The following GCN1 variants were observed in gnomAD, a reference collection of about 807,000 sequenced individuals.
GCN1 encodes stalled ribosome sensor GCN1.
GCN1 carries 90 observed loss-of-function variants against 288.4 expected under a neutral mutation model. The observed-to-expected ratio is 0.31, with a 90% CI of 0.26 to 0.37. GCN1 has a LOEUF of 0.37. GCN1 is among the 10% of genes least tolerant of loss of function. GCN1 has a pLI of 1.00. For missense variants in GCN1, 2,586 were observed against 3,419.9 expected (o/e 0.76, Z 6.08); for synonymous variants, 1,386 against 1,420.2 (o/e 0.98, Z 0.54).
Position 120,173,839 on chromosome 12 carries a change from GCAGAAGTCCAGT to G in GCN1, c.1193-25_1193-14del, listed in dbSNP as rs1349526795. The G allele has an allele frequency of 6.2e-7, 1 of 1,610,440 alleles. No homozygotes were observed. The highest frequency in any genetic ancestry group is 8.5e-7 in the Non-Finnish European group (1 of 1,177,048). ...GTCCCTTCATGAACTAGGGCAAAAA[GCAGAAGTCCAGT>G]CAGTCCAATGTCTTATAACCATGTC... On this transcript the variant is annotated splice_polypyrimidine_tract_variant and intron_variant, in intron 13 of 57. Coordinates refer to ENST00000300648, the MANE Select transcript of GCN1 (RefSeq NM_006836.2).
At position 120,177,795 on chromosome 12, in the gene GCN1, T is replaced by C. The variant is rs570679836; in HGVS notation, c.661-43A>G. 185 of 1,402,070 alleles carry C rather than the reference T, an allele frequency of 1.3e-4. 3 individuals are homozygous for C. In the South Asian group the frequency reaches 1.9e-3, roughly 15 times the overall value. 86.9% of individuals were successfully genotyped at this position (1,402,070 alleles called of 1,614,324 possible). ...CTGGTTAGATCCTGACATTCTCAAG[T>C]ATCTCATCACTGGCCTAAGGGGTCC... On this transcript the variant is annotated intron_variant, in intron 7 of 57. Coordinates refer to ENST00000300648, the MANE Select transcript of GCN1 (RefSeq NM_006836.2).
chr12:120,156,913 T>C lies in GCN1; in HGVS notation c.3167A>G (p.Gln1056Arg), dbSNP rs1003892091. The change falls in exon 27 of 58, where the codon CAG becomes CGG. Residue 1056 changes from glutamine (Q) to arginine (R), a missense_variant and splice_region_variant. Physicochemically the swap from Gln to Arg is conservative, Grantham distance 43. Transcript: ENST00000300648. The surrounding 1 kb of genome is among the most constrained non-coding windows in gnomAD (Gnocchi z 5.8). ...WVIGTGSPRL[Q>R]VLASDTLTTL... Reference sequence around the variant, plus strand: ...ACAGCCAACTGAAAACCACATCACCTGTAAGCGAGGCGAGCCCGTCCCGAT... The same window carrying C: ...ACAGCCAACTGAAAACCACATCACCCGTAAGCGAGGCGAGCCCGTCCCGAT... The C allele has an allele frequency of 3.1e-6, 5 of 1,604,478 alleles. No individual in the cohort carries two copies. The highest frequency in any genetic ancestry group is 4.3e-6 in the Non-Finnish European group (5 of 1,171,468).
At chr12:120,163,001 T>C in intron 19 of GCN1, 30 bp from the exon 20 acceptor site, 1 of 1,614,070 alleles carries the variant, frequency 6.2e-7, no homozygotes, top group Non-Finnish European at 8.5e-7. Context: ...TTTGAGGCCT[T>C]CTGCCTGGCC....
Position 120,129,067 on chromosome 12 carries a change from G to A in GCN1, c.7890+209C>T, listed in dbSNP as rs193153868. On this transcript the variant is annotated intron_variant, in intron 57 of 57. Coordinates refer to ENST00000300648, the MANE Select transcript of GCN1 (RefSeq NM_006836.2). Reference sequence around the variant, plus strand: ...GTTAGCCTTCATCTCCTGACTTGGTGATCTGCCCGCCTCAGCCTCCCAAAG... The same window carrying A: ...GTTAGCCTTCATCTCCTGACTTGGTAATCTGCCCGCCTCAGCCTCCCAAAG... 1.7e-3 allele frequency among the ~76,000 whole-genome samples: 266 copies of A among 152,022 alleles called. 2 individuals are homozygous for A. The highest frequency in any genetic ancestry group is 3.4e-3 in the Middle Eastern group (1 of 292).
intron 57 of GCN1, among the ~76,000 whole-genome samples, chr12:120,128,592 T>A (rs1021142747): frequency 7.2e-5 from 11 of 152,022 alleles, no homozygotes; most frequent in African/African-American, 2.7e-4. Flanking sequence ...CACCTTGGCC[T>A]CCCAAAAGTG....
intron 5 of GCN1, among the ~76,000 whole-genome samples, chr12:120,182,159 C>CAA (rs111240044): frequency 1.6e-4 from 18 of 116,018 alleles, no homozygotes; most frequent in African/African-American, 4.4e-4. Flanking sequence ...TCAAAGAAAA[C>CAA]AAAAAAAAAA....
chr12:120,151,586 T>C (rs982020862), intron 33 of GCN1, among the ~76,000 whole-genome samples, 195 bp from the exon 34 acceptor site: 1 of 152,196 alleles, frequency 6.6e-6, no homozygotes. Flanking sequence ...GGGTGCACAC[T>C]ACAATCTGCT....
intron 57 of GCN1, among the ~76,000 whole-genome samples, chr12:120,128,579 G>A (rs955661832): frequency 1.3e-5 from 2 of 151,638 alleles, no homozygotes; most frequent in African/African-American, 2.4e-5. Flanking sequence ...CCGGTGATCC[G>A]CCCACCTTGG....
intron 50 of GCN1, 51 bp from the exon 51 acceptor site, chr12:120,136,783 G>T: frequency 7.2e-7 from 1 of 1,396,346 alleles, no homozygotes; most frequent in Non-Finnish European, 1.0e-6. Flanking sequence ...CCTGGGCCCT[G>T]GTGTCTCCCA....
At chr12:120,147,577 G>A (rs757735004) in intron 37 of GCN1, among the ~76,000 whole-genome samples, 8 of 152,222 alleles carry the variant, frequency 5.3e-5, no homozygotes, top group African/African-American at 1.2e-4. Context: ...TTTGCCTATC[G>A]GTAATGGAGA....
Position 120,189,988 on chromosome 12 carries a change from G to GA in GCN1, c.121+309dup, listed in dbSNP as rs763295105. Among the ~76,000 whole-genome samples, 8 of 151,182 alleles carry GA rather than the reference G, an allele frequency of 5.3e-5. 1 individual carries two copies. In the East Asian group the frequency reaches 1.6e-3, roughly 30 times the overall value. ...TCGTGAGACTCTGTCTCAAAAAGAA[G>GA]AAAAAAACACAAAAAAAACCACAAA... On this transcript the variant is annotated intron_variant, in intron 2 of 57. Transcript: ENST00000300648.
chr12:120,163,487 A>G (rs1369190356), intron 18 of GCN1, among the ~76,000 whole-genome samples: 1 of 152,230 alleles, frequency 6.6e-6, no homozygotes, highest in East Asian at 1.9e-4. Flanking sequence ...GCAGGGGTAA[A>G]GAAGGCACCA....
At chr12:120,166,722 TTACTAA>T (rs1878140189) in intron 16 of GCN1, among the ~76,000 whole-genome samples, 1 of 133,692 alleles carries the variant, frequency 7.5e-6, no homozygotes, top group Non-Finnish European at 1.6e-5. Flanking sequence ...AAAAAAAAAA[TTACTAA>T]GGCCAGGCAC....
At chr12:120,164,744 G>A in intron 16 of GCN1, 23 bp from the exon 17 acceptor site, 1 of 1,553,746 alleles carries the variant, frequency 6.4e-7, no homozygotes. Flanking sequence ...AAAAGGAATG[G>A]AAGTGTTTTT....
chr12:120,167,983 C>T (rs1878187689), intron 16 of GCN1, among the ~76,000 whole-genome samples: 1 of 152,034 alleles, frequency 6.6e-6, no homozygotes, highest in Non-Finnish European at 1.5e-5. Flanking sequence ...CGTAGCTCCA[C>T]AGCCATTACT....
At chr12:120,151,076 G>A in intron 34 of GCN1, 69 bp downstream of exon 34, 1 of 1,566,354 alleles carries the variant, frequency 6.4e-7, no homozygotes, top group Non-Finnish European at 8.7e-7. Context: ...GCCACGGTCA[G>A]ATTCCTTCCT....
Position 120,160,326 on chromosome 12 carries a change from G to A in GCN1, c.2437-71C>T, listed in dbSNP as rs1877885722. On this transcript the variant is annotated intron_variant, in intron 22 of 57. Transcript: ENST00000300648. ...ACCTCCCTCCCCAACAGAGGAAGGT[G>A]AGCTTGCTTCCACACAAACAGCACC... 4.6e-6 allele frequency: 5 copies of A among 1,096,378 alleles called. No individual in the cohort carries two copies. In the Admixed American group the frequency reaches 6.9e-5, roughly 15 times the overall value. The allele number at this position is 1,096,378 out of a possible 1,614,324, so 67.9% of individuals were successfully genotyped here.
chr12:120,160,369 G>T, intron 22 of GCN1, 114 bp from the exon 23 acceptor site: 1 of 737,688 alleles, frequency 1.4e-6, no homozygotes, highest in Non-Finnish European at 2.3e-6. Context: ...CTCTAAGTGT[G>T]AGTTGGGCCC....
chr12:120,193,478 C>G (rs1477560483), intron 1 of GCN1, among the ~76,000 whole-genome samples: 1 of 152,052 alleles, frequency 6.6e-6, no homozygotes, highest in East Asian at 1.9e-4. Flanking sequence ...TAATTTTTTG[C>G]ATTTTTAGTA....
Sources: allele counts gnomAD v4.1 joint callset (sites outside exome capture counted in the v4.1 genomes callset), GRCh38; gene constraint gnomAD v4.1.1; non-coding constraint Gnocchi (gnomAD v3.1); transcripts MANE v1.5; gene names NCBI Gene and HGNC (gene_info 2026-07-23, HGNC 2026-07-21).